ALK: variants seen among roughly 807,000 people sequenced by gnomAD.
ALK encodes the protein ALK receptor tyrosine kinase.
Under a neutral mutation model 163.1 loss-of-function variants are expected in ALK, and 74 were observed. The observed-to-expected ratio is 0.45, with a 90% CI of 0.38 to 0.55. ALK has a LOEUF of 0.55. Ranked by LOEUF, ALK falls within the 20% of genes least tolerant of loss-of-function variation. The probability of loss-of-function intolerance (pLI) is 0.00; values close to 1 mark genes in which losing one functional copy is unlikely to be tolerated. For missense variants in ALK, 2,063 were observed against 2,105.3 expected, an observed-to-expected ratio of 0.98 and a Z score of 0.39; for synonymous variants, 960 against 843.2, an observed-to-expected ratio of 1.14 and a Z score of -2.40.
chr2:29,236,846 T>C (rs1056970529), intron 13 of ALK, among the ~76,000 whole-genome samples: 4 of 152,246 alleles, frequency 2.6e-5, no homozygotes, highest in African/African-American at 9.6e-5. Flanking sequence ...AAATTTATGC[T>C]AATTTCTCCA....
intron 1 of ALK, among the ~76,000 whole-genome samples, chr2:29,728,076 T>G (rs1166719117): frequency 6.6e-6 from 1 of 152,168 alleles, no homozygotes; most frequent in African/African-American, 2.4e-5. Context: ...GGGAGACATG[T>G]TTTTGTTCTT....
At position 29,296,999 on chromosome 2, in the gene ALK, A is replaced by C; in HGVS notation, c.1706T>G (p.Val569Gly). The C allele has an allele frequency of 6.2e-7, 1 of 1,614,180 alleles. No individual in the cohort carries two copies. The highest frequency in any genetic ancestry group is 8.5e-7 in the Non-Finnish European group (1 of 1,180,024). ...VLRGNVSLVL[V>G]ENKTGKEQGR... Reference sequence around the variant, plus strand: ...TTGCTCCTTCCCGGTTTTGTTCTCCACTAGCACCAAGGACACGTTTCCCCT... The same window carrying C: ...TTGCTCCTTCCCGGTTTTGTTCTCCCCTAGCACCAAGGACACGTTTCCCCT... Residue 569 changes from valine to glycine, a missense_variant, in exon 9 of 29, where the codon GTG becomes GGG. Val to Gly is a moderately radical substitution (Grantham distance 109). Coordinates refer to ENST00000389048, the MANE Select transcript of ALK (RefSeq NM_004304.5).
At chr2:29,775,742 C>T (rs2148347257) in intron 1 of ALK, among the ~76,000 whole-genome samples, 1 of 152,284 alleles carries the variant, frequency 6.6e-6, no homozygotes, top group African/African-American at 2.4e-5. Flanking sequence ...TTGTACCTGT[C>T]CATAGCCTAT....
chr2:29,579,793 G>A (rs966736863), intron 3 of ALK, among the ~76,000 whole-genome samples: 22 of 152,142 alleles, frequency 1.4e-4, no homozygotes, highest in Non-Finnish European at 7.3e-5. Flanking sequence ...TGACGAAGCT[G>A]GGCACACCGA....
At chr2:29,791,649 T>A (rs1664192517) in intron 1 of ALK, among the ~76,000 whole-genome samples, 1 of 151,632 alleles carries the variant, frequency 6.6e-6, no homozygotes, top group Non-Finnish European at 1.5e-5. Context: ...ATATATATAT[T>A]TCCAAACAAT....
At chr2:29,568,924 G>T (rs1674273110) in intron 3 of ALK, among the ~76,000 whole-genome samples, 1 of 151,982 alleles carries the variant, frequency 6.6e-6, no homozygotes, top group Non-Finnish European at 1.5e-5. Context: ...GGCTGACAGT[G>T]CACTCCCTAA....
In ALK at chr2:29,590,954, C is replaced by T. The variant is rs564831926; in HGVS notation, c.953-58838G>A. Among the ~76,000 whole-genome samples the T allele has an allele frequency of 3.5e-4, 53 of 151,576 alleles. 1 individual carries two copies. In the South Asian group the frequency reaches 9.2e-3, roughly 26 times the overall value. On this transcript the variant is annotated intron_variant, in intron 3 of 28. Transcript: ENST00000389048. Reference sequence around the variant, plus strand: ...GGCGTGTTGGCGGGCGCCTGTAGTCCCAGCTACTTGGGAGGCTGAGGCAGG... The same window carrying T: ...GGCGTGTTGGCGGGCGCCTGTAGTCTCAGCTACTTGGGAGGCTGAGGCAGG...
Position 29,831,891 on chromosome 2 carries a change from G to A in ALK, c.667+88102C>T, listed in dbSNP as rs146592643. Among the ~76,000 whole-genome samples, 49 of 152,290 alleles carry A rather than the reference G, an allele frequency of 3.2e-4. 1 individual carries two copies. Among genetic ancestry groups the A allele is most frequent in the African/African-American group, 1.1e-3 (45 of 41,564 alleles). Reference sequence around the variant, plus strand: ...AATGGCCAATATCTCCTGAATAGGCGAACCATTTTCACTGCATGCTTAATT... The same window carrying A: ...AATGGCCAATATCTCCTGAATAGGCAAACCATTTTCACTGCATGCTTAATT... On this transcript the variant is annotated intron_variant, in intron 1 of 28. Coordinates refer to ENST00000389048, the MANE Select transcript of ALK (RefSeq NM_004304.5).
intron 3 of ALK, among the ~76,000 whole-genome samples, chr2:29,627,662 T>A (rs1328201787): frequency 6.6e-6 from 1 of 152,212 alleles, no homozygotes; most frequent in Non-Finnish European, 1.5e-5. Context: ...CAGGACCTTC[T>A]TGAAGGGGAG....
intron 3 of ALK, among the ~76,000 whole-genome samples, chr2:29,627,378 A>G (rs1476607062): frequency 3.3e-5 from 5 of 152,140 alleles, no homozygotes; most frequent in African/African-American, 9.6e-5. Flanking sequence ...TCTCCCCAAC[A>G]TAAGGCTCAC....
intron 5 of ALK, among the ~76,000 whole-genome samples, chr2:29,346,126 C>T (rs951354438): frequency 5.3e-5 from 8 of 152,148 alleles, no homozygotes; most frequent in Non-Finnish European, 1.0e-4. Context: ...CCTTCCTAGG[C>T]TGATGCTTAC....
At chr2:29,852,425 G>A (rs900135927) in intron 1 of ALK, among the ~76,000 whole-genome samples, 3 of 152,154 alleles carry the variant, frequency 2.0e-5, no homozygotes, top group Non-Finnish European at 4.4e-5. Flanking sequence ...GGCCACACCA[G>A]CCAGACCTAC....
rs528742116 is a variant in ALK, at chr2:29,790,023, C to G, written c.668-72326G>C. 2.6e-5 allele frequency among the ~76,000 whole-genome samples: 4 copies of G among 152,294 alleles called. No homozygotes were observed. In the East Asian group the frequency reaches 7.7e-4, roughly 29 times the overall value. ...GGCAGCTCTGAAGACACCACTTTCTCTTTGCATAATTCAATTCCCGAATGC... is the reference window on the plus strand; with the variant it reads ...GGCAGCTCTGAAGACACCACTTTCTGTTTGCATAATTCAATTCCCGAATGC... On this transcript the variant is annotated intron_variant, in intron 1 of 28. Transcript: ENST00000389048.
chr2:29,488,549 C>T (rs766241571), intron 4 of ALK, among the ~76,000 whole-genome samples: 4 of 152,150 alleles, frequency 2.6e-5, no homozygotes, highest in African/African-American at 9.7e-5. Context: ...ATCCAGATAG[C>T]TTTCATGGTC....
chr2:29,208,960 A>AG (rs1669388973), intron 25 of ALK, among the ~76,000 whole-genome samples: 1 of 149,752 alleles, frequency 6.7e-6, no homozygotes, highest in Non-Finnish European at 1.5e-5. Context: ...TGTGACAGGG[A>AG]AAAAAAAAAT....
At position 29,227,060 on chromosome 2, in the gene ALK, C is replaced by T. The variant is rs568177600; in HGVS notation, c.2929G>A (p.Gly977Arg). The T allele has an allele frequency of 5.0e-6, 8 of 1,614,126 alleles. No individual in the cohort carries two copies. The highest frequency in any genetic ancestry group is 1.1e-5 in the South Asian group (1 of 91,074). Reference sequence around the variant, plus strand: ...AGATAATGCTTAATATTCACTTCCCCGTGGCCTTCCATCACTAGTGACAAG... The same window carrying T: ...AGATAATGCTTAATATTCACTTCCCTGTGGCCTTCCATCACTAGTGACAAG... ...TPALKVMEGH[G>R]EVNIKHYLNC... The change falls in exon 18 of 29, where the codon GGG becomes AGG. Residue 977 changes from glycine to arginine, a missense_variant. Gly to Arg is a moderately radical substitution (Grantham distance 125). Around this residue, in one of 5 missense-constraint regions of ALK, gnomAD observed 575 missense variants for 626.6 expected, o/e 0.92. Coordinates refer to ENST00000389048, the MANE Select transcript of ALK (RefSeq NM_004304.5). The surrounding 1 kb of genome is among the most constrained non-coding windows in gnomAD (Gnocchi z 4.4).
chr2:29,486,582 G>T (rs1207983914), intron 4 of ALK, among the ~76,000 whole-genome samples: 3 of 152,182 alleles, frequency 2.0e-5, no homozygotes, highest in African/African-American at 7.2e-5. Context: ...AAAAGTCAGA[G>T]CTGCTTAAGA....
rs964411845 is a variant in ALK, at chr2:29,246,516, C to T, written c.2204+4589G>A. Among the ~76,000 whole-genome samples, 1 of 152,210 alleles carries T rather than the reference C, an allele frequency of 6.6e-6. No individual in the cohort carries two copies. Among genetic ancestry groups the T allele is most frequent in the Admixed American group, 6.5e-5 (1 of 15,282 alleles). ...TAGACACCATGGTTACTCAGCACCA[C>T]GGCCCAGAGGCCTCCTGATCAGGGC... On this transcript the variant is annotated intron_variant, in intron 12 of 28. Transcript: ENST00000389048. The surrounding 1 kb of genome is among the most constrained non-coding windows in gnomAD (Gnocchi z 4.3).
chr2:29,307,857 C>G (rs1468945054), intron 8 of ALK, among the ~76,000 whole-genome samples: 2 of 152,168 alleles, frequency 1.3e-5, no homozygotes, highest in Non-Finnish European at 2.9e-5. Flanking sequence ...CCTGGTCTTG[C>G]AGGATACTTA....
Sources: gnomAD v4.1 joint callset for allele counts (sites outside exome capture counted in the v4.1 genomes callset) on GRCh38, gnomAD v4.1.1 for gene constraint, gnomAD v4.1.1 regional missense constraint, Gnocchi (gnomAD v3.1) non-coding constraint, MANE v1.5 for transcripts, NCBI Gene and HGNC (gene_info 2026-07-23, HGNC 2026-07-21) for gene names.